NR3C2: variants seen among roughly 807,000 people sequenced by gnomAD.
NR3C2 encodes the protein nuclear receptor subfamily 3 group C member 2.
NR3C2 carries 15 observed loss-of-function variants against 86.4 expected under a neutral mutation model. The ratio of observed to expected loss-of-function variants is 0.17; its 90% CI spans 0.12 to 0.27. The LOEUF is 0.27. Among genes scored for constraint, NR3C2 ranks in the 10% least tolerant of loss-of-function variants. The pLI is 1.00. For missense variants in NR3C2, 960 were observed against 1,195.6 expected, an observed-to-expected ratio of 0.80 and a Z score of 2.91; for synonymous variants, 458 against 450.5, an observed-to-expected ratio of 1.02 and a Z score of -0.21.
At chr4:148,412,290 C>G (rs1434888761) in intron 2 of NR3C2, among the ~76,000 whole-genome samples, 1 of 152,192 alleles carries the variant, frequency 6.6e-6, no homozygotes, top group Non-Finnish European at 1.5e-5. Flanking sequence ...GCCATTCTTA[C>G]TGTTAGGAAA....
intron 4 of NR3C2, among the ~76,000 whole-genome samples, chr4:148,171,780 C>A (rs1233193749): frequency 2.6e-5 from 4 of 152,134 alleles, no homozygotes; most frequent in Non-Finnish European, 5.9e-5. Context: ...AGAGGTGGAG[C>A]TACACCACTG....
intron 8 of NR3C2, among the ~76,000 whole-genome samples, chr4:148,102,440 C>T (rs910693401): frequency 6.6e-6 from 1 of 152,148 alleles, no homozygotes; most frequent in African/African-American, 2.4e-5. Context: ...AGCTCTTCAT[C>T]CCCCCTCCCA....
intron 2 of NR3C2, among the ~76,000 whole-genome samples, chr4:148,402,595 C>T (rs558543806): frequency 2.6e-5 from 4 of 152,164 alleles, no homozygotes; most frequent in Non-Finnish European, 4.4e-5. Flanking sequence ...AACATGTCTT[C>T]GATATTTATA....
At chr4:148,161,230 ATAATT>A (rs747344051) in intron 4 of NR3C2, among the ~76,000 whole-genome samples, 107 of 152,372 alleles carry the variant, frequency 7.0e-4, no homozygotes, top group Non-Finnish European at 1.0e-3. Flanking sequence ...ATTAATCTAC[ATAATT>A]TAATAAGTTA....
intron 3 of NR3C2, among the ~76,000 whole-genome samples, chr4:148,236,608 T>G (rs1738762981): frequency 6.6e-6 from 1 of 152,204 alleles, no homozygotes. Context: ...TTACAATCAC[T>G]AATAATGCTC....
intron 2 of NR3C2, among the ~76,000 whole-genome samples, chr4:148,408,250 C>A (rs534169927): frequency 6.6e-6 from 1 of 152,256 alleles, no homozygotes; most frequent in African/African-American, 2.4e-5. Context: ...AGGGGCCAAG[C>A]CAGGCCTCAA....
chr4:148,349,838 T>C (rs966434217), intron 2 of NR3C2, among the ~76,000 whole-genome samples: 1 of 152,170 alleles, frequency 6.6e-6, no homozygotes, highest in Non-Finnish European at 1.5e-5. Flanking sequence ...TTATGGTCTA[T>C]ATTGTTGGTA....
chr4:148,120,566 G>A (rs750436979), intron 6 of NR3C2, among the ~76,000 whole-genome samples: 4 of 152,184 alleles, frequency 2.6e-5, no homozygotes, highest in African/African-American at 4.8e-5. Flanking sequence ...TTCATTTTAT[G>A]TCAAGAGTAA....
chr4:148,333,460 G>A (rs1413685898), intron 2 of NR3C2, among the ~76,000 whole-genome samples: 1 of 151,926 alleles, frequency 6.6e-6, no homozygotes, highest in Admixed American at 6.6e-5. Context: ...TTTGTAGCTA[G>A]ATATAACCAT....
chr4:148,233,552 G>A (rs1290891564), intron 3 of NR3C2, among the ~76,000 whole-genome samples: 1 of 151,770 alleles, frequency 6.6e-6, no homozygotes, highest in Admixed American at 6.6e-5. Context: ...TAGAGATGAG[G>A]TTTCACCATG....
rs564606913 is a variant in NR3C2 at position 148,312,803 on chromosome 4, G to C, written c.1758-52686C>G. Among the ~76,000 whole-genome samples the C allele has an allele frequency of 2.0e-5, 3 of 152,154 alleles. No individual in the cohort carries two copies. The East Asian group carries it at 5.8e-4, about 29-fold the overall frequency. On this transcript the variant is annotated intron_variant, in intron 2 of 8. Transcript: ENST00000358102. ...TCTAAGTTGATACATTCTTGCTTCA[G>C]AGTTATGTTTAGTTTTGCATTTCAT... is the stretch of plus-strand genomic sequence containing the variant.
intron 3 of NR3C2, among the ~76,000 whole-genome samples, chr4:148,224,891 T>A (rs1264498699): frequency 6.6e-6 from 1 of 152,204 alleles, no homozygotes; most frequent in East Asian, 1.9e-4. Context: ...GAAAGCTACA[T>A]CCAGAAAAAA....
At chr4:148,424,876 T>C (rs1036694289) in intron 2 of NR3C2, among the ~76,000 whole-genome samples, 1 of 152,206 alleles carries the variant, frequency 6.6e-6, no homozygotes, top group African/African-American at 2.4e-5. Flanking sequence ...CATGTAGAAC[T>C]GAACACCAAA....
chr4:148,385,874 A>G (rs899574791), intron 2 of NR3C2, among the ~76,000 whole-genome samples: 4 of 152,164 alleles, frequency 2.6e-5, no homozygotes, highest in African/African-American at 9.7e-5. Flanking sequence ...ACTCAGGATT[A>G]TCTGAATTCA....
At chr4:148,179,761 A>C (rs150895966) in intron 4 of NR3C2, among the ~76,000 whole-genome samples, 1 of 151,864 alleles carries the variant, frequency 6.6e-6, no homozygotes, top group South Asian at 2.1e-4. Flanking sequence ...TTTAAATTCT[A>C]TCTGCTTTAG....
chr4:148,202,753 T>C (rs1190684750), intron 3 of NR3C2, among the ~76,000 whole-genome samples: 6 of 152,160 alleles, frequency 3.9e-5, no homozygotes, highest in African/African-American at 1.4e-4. Context: ...CTCCTGAGCT[T>C]GAATCCTAAG....
intron 4 of NR3C2, among the ~76,000 whole-genome samples, chr4:148,186,715 G>A (rs1300367338): frequency 6.6e-6 from 1 of 151,712 alleles, no homozygotes; most frequent in Non-Finnish European, 1.5e-5. Context: ...CATCATCCAA[G>A]CAGTATACAC....
intron 2 of NR3C2, among the ~76,000 whole-genome samples, chr4:148,359,925 TA>T (rs1745757065): frequency 6.6e-6 from 1 of 152,038 alleles, no homozygotes; most frequent in South Asian, 2.1e-4. Flanking sequence ...GCTGAGAAAA[TA>T]AGGCAGGAAT....
At chr4:148,122,707 C>T (rs1560932915) in intron 6 of NR3C2, among the ~76,000 whole-genome samples, 2 of 152,182 alleles carry the variant, frequency 1.3e-5, no homozygotes, top group Non-Finnish European at 1.5e-5. Context: ...GTGAAGATTT[C>T]ATTTTAATAT....
Sources: allele counts gnomAD v4.1 joint callset (sites outside exome capture counted in the v4.1 genomes callset), GRCh38; gene constraint gnomAD v4.1.1; transcripts MANE v1.5; gene names NCBI Gene and HGNC (gene_info 2026-07-23, HGNC 2026-07-21).